The following DPP10 variants were observed in gnomAD, a reference collection of about 807,000 sequenced individuals.
DPP10 encodes the protein inactive dipeptidyl peptidase 10.
In DPP10, 33 loss-of-function variants were observed where a neutral mutation model predicts 120.9. The observed-to-expected ratio is 0.27, with a 90% CI of 0.21 to 0.37. The LOEUF (loss-of-function observed/expected upper bound fraction) is 0.37, where lower values mean the gene tolerates loss of function less well. DPP10 is among the 10% of genes least tolerant of loss of function. The pLI is 1.00. For synonymous variants in DPP10, 337 were observed against 326.1 expected, an observed-to-expected ratio of 1.03 and a Z score of -0.36; for missense variants, 816 against 942.8, an observed-to-expected ratio of 0.87 and a Z score of 1.76.
intron 5 of DPP10, among the ~76,000 whole-genome samples, chr2:115,670,828 T>C (rs1249057407): frequency 6.6e-6 from 1 of 152,132 alleles, no homozygotes; most frequent in African/African-American, 2.4e-5. Flanking sequence ...AAATAAAAGT[T>C]AGATTAAAAG....
chr2:115,409,142 G>A (rs916148223), intron 3 of DPP10, among the ~76,000 whole-genome samples: 6 of 152,116 alleles, frequency 3.9e-5, no homozygotes, highest in Non-Finnish European at 5.9e-5. Context: ...TCTCACTATA[G>A]AAACTGTAGA....
At chr2:114,950,292 C>CTTTTTTTT (rs35889704) in intron 1 of DPP10, among the ~76,000 whole-genome samples, 2 of 90,816 alleles carry the variant, frequency 2.2e-5, no homozygotes, top group African/African-American at 4.2e-5. Context: ...CCACACCTTG[C>CTTTTTTTT]TTTTTTTTTT....
Position 114,965,166 on chromosome 2 carries a change from T to C in DPP10, c.61-344073T>C, listed in dbSNP as rs548462723. Among the ~76,000 whole-genome samples, 4 of 152,146 alleles carry C rather than the reference T, an allele frequency of 2.6e-5. No individual in the cohort carries two copies. In the South Asian group the frequency reaches 8.3e-4, roughly 32 times the overall value. On this transcript the variant is annotated intron_variant, in intron 1 of 25. Coordinates refer to ENST00000410059, the MANE Select transcript of DPP10 (RefSeq NM_020868.6). ...TTCTTTCTTTTTTTTGGACGGATTT[T>C]TGCTCTCGTTGCCCAGGCTGTAGTA... is the stretch of plus-strand genomic sequence containing the variant.
intron 1 of DPP10, among the ~76,000 whole-genome samples, chr2:115,066,237 T>C (rs1356354734): frequency 1.3e-5 from 2 of 152,204 alleles, no homozygotes; most frequent in Non-Finnish European, 2.9e-5. Context: ...GATACGTATA[T>C]TATTCTTTGC....
At chr2:114,508,355 T>C (rs1321770788) in intron 1 of DPP10, among the ~76,000 whole-genome samples, 2 of 152,220 alleles carry the variant, frequency 1.3e-5, no homozygotes, top group Non-Finnish European at 2.9e-5. Context: ...GTAAATTATA[T>C]AGTTTTTTAC....
At chr2:114,802,525 T>C (rs77829399) in intron 1 of DPP10, among the ~76,000 whole-genome samples, 1 of 151,386 alleles carries the variant, frequency 6.6e-6, no homozygotes, top group Non-Finnish European at 1.5e-5. Flanking sequence ...CCCACAGACA[T>C]TTAGAAGTCT....
intron 1 of DPP10, among the ~76,000 whole-genome samples, chr2:115,245,266 C>T (rs909528593): frequency 6.6e-6 from 1 of 151,782 alleles, no homozygotes; most frequent in Non-Finnish European, 1.5e-5. Flanking sequence ...TAGGCTGGTT[C>T]GTATTTCTGC....
chr2:115,469,893 AAAAAAAG>A (rs1374889179), intron 3 of DPP10, among the ~76,000 whole-genome samples: 4 of 148,886 alleles, frequency 2.7e-5, no homozygotes, highest in South Asian at 4.2e-4. Context: ...AGAAAAAAAA[AAAAAAAG>A]AAAAAAAAAA....
At chr2:114,556,988 T>C (rs1334505193) in intron 1 of DPP10, among the ~76,000 whole-genome samples, 1 of 134,154 alleles carries the variant, frequency 7.5e-6, no homozygotes. Flanking sequence ...TGTCAACAGA[T>C]AGCAAAGACA....
At chr2:115,096,548 T>C (rs2104591279) in intron 1 of DPP10, among the ~76,000 whole-genome samples, 1 of 152,222 alleles carries the variant, frequency 6.6e-6, no homozygotes, top group East Asian at 1.9e-4. Context: ...AATACATTCA[T>C]ATACATATAC....
rs749967570 is a variant in DPP10, at chr2:114,891,256, T to G, written c.61-417983T>G. On this transcript the variant is annotated intron_variant, in intron 1 of 25. Transcript: ENST00000410059. ...AGAGACTAGCGTCAAGTGGGAGATA[T>G]TCCAGGGACAAGTAGAAATTCAAGG... Among the ~76,000 whole-genome samples the G allele has an allele frequency of 8.5e-4, 130 of 152,068 alleles. 1 individual carries two copies. Among genetic ancestry groups the G allele is most frequent in the Non-Finnish European group, 3.7e-4 (25 of 68,018 alleles).
At chr2:114,625,899 A>G (rs1172277260) in intron 1 of DPP10, among the ~76,000 whole-genome samples, 1 of 151,850 alleles carries the variant, frequency 6.6e-6, no homozygotes, top group Non-Finnish European at 1.5e-5. Flanking sequence ...GGAAAATAGA[A>G]CCTATCTAGA....
chr2:115,302,903 C>G (rs932063909), intron 1 of DPP10, among the ~76,000 whole-genome samples: 5 of 151,964 alleles, frequency 3.3e-5, no homozygotes, highest in Non-Finnish European at 5.9e-5. Flanking sequence ...GGCATGAGAG[C>G]AATGAGCAAT....
intron 1 of DPP10, among the ~76,000 whole-genome samples, chr2:114,930,444 T>C (rs1180098015): frequency 6.6e-6 from 1 of 152,208 alleles, no homozygotes; most frequent in East Asian, 1.9e-4. Context: ...ATTCTTAAAT[T>C]TGTCCTTTCA....
intron 1 of DPP10, chr2:115,064,737 G>T (rs1258630291): frequency 7.7e-7 from 1 of 1,303,592 alleles, no homozygotes; most frequent in African/African-American, 1.5e-5. Flanking sequence ...TTTGTAGAAA[G>T]TGGTTATAGT....
At chr2:115,385,048 C>T (rs1355620511) in intron 3 of DPP10, among the ~76,000 whole-genome samples, 1 of 152,170 alleles carries the variant, frequency 6.6e-6, no homozygotes, top group African/African-American at 2.4e-5. Flanking sequence ...GTGCCTTTCA[C>T]CTCCTGCCAT....
chr2:114,719,828 T>C (rs190295290), intron 1 of DPP10, among the ~76,000 whole-genome samples: 156 of 152,230 alleles, frequency 1.0e-3, no homozygotes, highest in Non-Finnish European at 1.6e-3. Flanking sequence ...GAAGTGAAGA[T>C]CATTTAAAGG....
intron 3 of DPP10, among the ~76,000 whole-genome samples, chr2:115,452,570 C>T (rs554155484): frequency 8.6e-5 from 13 of 152,046 alleles, no homozygotes; most frequent in African/African-American, 3.1e-4. Flanking sequence ...ATTCTGCTTG[C>T]AAGGTATCTG....
chr2:115,282,469 C>A (rs182363807), intron 1 of DPP10, among the ~76,000 whole-genome samples: 1 of 151,884 alleles, frequency 6.6e-6, no homozygotes, highest in African/African-American at 2.4e-5. Context: ...ATCTTTTATC[C>A]CCCTTCATCT....
Sources: allele counts gnomAD v4.1 joint callset (sites outside exome capture counted in the v4.1 genomes callset), GRCh38; gene constraint gnomAD v4.1.1; transcripts MANE v1.5; gene names NCBI Gene and HGNC (gene_info 2026-07-23, HGNC 2026-07-21).